The following ACSM1 variants were observed in gnomAD, a reference collection of about 807,000 sequenced individuals.
ACSM1 encodes acyl-coenzyme A synthetase ACSM1, mitochondrial.
A neutral mutation model predicts 75.8 loss-of-function variants in ACSM1; 79 were observed. That is an observed-to-expected ratio of 1.04 (90% CI 0.87 to 1.26). ACSM1 has a LOEUF of 1.26. Among genes scored for constraint, ACSM1 ranks in the 50% most tolerant of loss-of-function variants. The probability of loss-of-function intolerance (pLI) is 0.00; values close to 1 mark genes in which losing one functional copy is unlikely to be tolerated. For synonymous variants in ACSM1, 279 were observed against 265.8 expected (o/e 1.05, Z -0.48); for missense variants, 676 against 720.1 (o/e 0.94, Z 0.70).
chr16:20,637,416 G>A lies in ACSM1; in HGVS notation c.1152C>T (p.Ile384=). The change falls in exon 9 of 14, where the codon ATC becomes ATT. Residue 384 remains isoleucine (I), a synonymous_variant. Transcript: ENST00000520010. ...LICATYWGMK[I]KPGFMGKATP... The stretch of plus-strand genomic sequence containing the variant: ...TGGCCTTCCCCATGAAACCCGGCTT[G>A]ATCTTCATTCCCCAGTAGGTGGCAC... 1 of 1,614,080 alleles carries A rather than the reference G, an allele frequency of 6.2e-7. No homozygotes were observed. Among genetic ancestry groups the A allele is most frequent in the Non-Finnish European group, 8.5e-7 (1 of 1,180,002 alleles).
At chr16:20,695,340 C>T (rs1266801332) in intron 1 of ACSM1, among the ~76,000 whole-genome samples, 1 of 152,150 alleles carries the variant, frequency 6.6e-6, no homozygotes, top group Non-Finnish European at 1.5e-5. Flanking sequence ...GCACGATATC[C>T]TGCAAAAAGC....
chr16:20,680,854 T>G (rs1283182631), intron 4 of ACSM1: 1 of 152,238 alleles, frequency 6.6e-6, no homozygotes, highest in African/African-American at 2.4e-5. Flanking sequence ...ATGGGCATAT[T>G]GGCAACTGCC....
In ACSM1 at chr16:20,640,477, T is replaced by C. The variant is rs768114625; in HGVS notation, c.1100A>G (p.Tyr367Cys). 4 of 1,614,136 alleles carry C rather than the reference T, an allele frequency of 2.5e-6. No homozygotes were observed. Among genetic ancestry groups the C allele is most frequent in the Admixed American group, 1.7e-5 (1 of 60,018 alleles). The change falls in exon 8 of 14, where the codon TAT becomes TGT. Residue 367 changes from tyrosine to cysteine, a missense_variant. By Grantham distance (194) the Tyr-to-Cys change is radical. Coordinates refer to ENST00000520010, the MANE Select transcript of ACSM1 (RefSeq NM_001318890.3). ...ACCACCTACCGTTTCCGACTGCCCATAGTTCTCGTAGAGCAGAAGGCCCGT... is the reference window on the plus strand; with the variant it reads ...ACCACCTACCGTTTCCGACTGCCCACAGTTCTCGTAGAGCAGAAGGCCCGT... The part of the protein sequence containing the change: ...RRTGLLLYEN[Y>C]GQSETGLICA...
chr16:20,667,662 G>A (rs2019645985), intron 6 of ACSM1, among the ~76,000 whole-genome samples: 1 of 152,156 alleles, frequency 6.6e-6, no homozygotes, highest in Non-Finnish European at 1.5e-5. Flanking sequence ...TATATCCAAA[G>A]GAAAATAAAT....
At position 20,669,111 on chromosome 16, in the gene ACSM1, G is replaced by A. The variant is rs540296123; in HGVS notation, c.912+716C>T. ...ACATAAAGAAAATGTTGGGGTGAAGGGACATAGACAGAAAGAATTCATGCA... is the reference window on the plus strand; with the variant it reads ...ACATAAAGAAAATGTTGGGGTGAAGAGACATAGACAGAAAGAATTCATGCA... On this transcript the variant is annotated intron_variant, in intron 6 of 13. Coordinates refer to ENST00000520010, the MANE Select transcript of ACSM1 (RefSeq NM_001318890.3). Among the ~76,000 whole-genome samples, 14 of 151,868 alleles carry A rather than the reference G, an allele frequency of 9.2e-5. No individual in the cohort carries two copies. In the South Asian group the frequency reaches 1.7e-3, roughly 18 times the overall value.
At chr16:20,665,053 G>A (rs905341267) in intron 6 of ACSM1, among the ~76,000 whole-genome samples, 7 of 152,004 alleles carry the variant, frequency 4.6e-5, no homozygotes, top group Middle Eastern at 3.4e-3. Flanking sequence ...TAGAAAGATC[G>A]CTAATTAAGA....
chr16:20,673,111 TTA>T (rs916211934), intron 4 of ACSM1, among the ~76,000 whole-genome samples: 4 of 147,138 alleles, frequency 2.7e-5, no homozygotes, highest in Admixed American at 6.9e-5. Context: ...AATTTGCATA[TTA>T]TATATATATT....
chr16:20,675,637 T>A (rs1443194203), intron 4 of ACSM1, among the ~76,000 whole-genome samples: 1 of 152,182 alleles, frequency 6.6e-6, no homozygotes, highest in Non-Finnish European at 1.5e-5. Flanking sequence ...GTTCAAAAGT[T>A]AAGGACATAC....
At chr16:20,642,476 A>G (rs1018202865) in intron 7 of ACSM1, among the ~76,000 whole-genome samples, 1 of 152,210 alleles carries the variant, frequency 6.6e-6, no homozygotes, top group African/African-American at 2.4e-5. Context: ...TGGTATACAA[A>G]ATTCTATTCA....
At chr16:20,640,633 T>C in intron 7 of ACSM1, 49 bp from the exon 8 acceptor site, 1 of 1,612,858 alleles carries the variant, frequency 6.2e-7, no homozygotes, top group African/African-American at 1.3e-5. Context: ...CCTGGCTCTG[T>C]GCATTCAGAG....
In ACSM1 at chr16:20,669,441, AACACACACACACACAC is replaced by A. The variant is rs71149170; in HGVS notation, c.912+370_912+385del. Among the ~76,000 whole-genome samples, 287 of 141,362 alleles carry A rather than the reference AACACACACACACACAC, an allele frequency of 2.0e-3. 3 individuals carry two copies. The highest frequency in any genetic ancestry group is 2.0e-3 in the Non-Finnish European group (128 of 64,832). 92.7% of individuals were successfully genotyped at this position (141,362 alleles called of 152,430 possible). ...AACATTTTATCATATTGAGTAAGAA[AACACACACACACACAC>A]ACACACACACACACACACACACACA... On this transcript the variant is annotated intron_variant, in intron 6 of 13. Coordinates refer to ENST00000520010, the MANE Select transcript of ACSM1 (RefSeq NM_001318890.3).
chr16:20,672,877 A>G (rs1261938403), intron 4 of ACSM1, among the ~76,000 whole-genome samples: 3 of 130,854 alleles, frequency 2.3e-5, no homozygotes, highest in African/African-American at 9.0e-5. Context: ...ATATAAATAT[A>G]AATATATATA....
chr16:20,695,930 T>C (rs1221399924), intron 1 of ACSM1, among the ~76,000 whole-genome samples: 1 of 152,238 alleles, frequency 6.6e-6, no homozygotes, highest in Non-Finnish European at 1.5e-5. Context: ...TGTAGTCATG[T>C]GCCACAATAT....
At chr16:20,647,572 G>A (rs915814426) in intron 7 of ACSM1, among the ~76,000 whole-genome samples, 1 of 152,120 alleles carries the variant, frequency 6.6e-6, no homozygotes, top group African/African-American at 2.4e-5. Flanking sequence ...TTGAATAAGG[G>A]CTAAGAAAAA....
At chr16:20,655,236 C>A (rs965751351) in intron 7 of ACSM1, among the ~76,000 whole-genome samples, 11 of 117,278 alleles carry the variant, frequency 9.4e-5, no homozygotes, top group African/African-American at 3.8e-4. Context: ...CATCACACAC[C>A]AGGGCCTGTT....
At chr16:20,680,322 C>T (rs1567305514) in intron 4 of ACSM1, 1 of 152,224 alleles carries the variant, frequency 6.6e-6, no homozygotes, top group Non-Finnish European at 1.5e-5. Flanking sequence ...ATGCATCCAA[C>T]CCCGCAATTC....
intron 7 of ACSM1, among the ~76,000 whole-genome samples, chr16:20,642,280 A>G (rs1314818843): frequency 6.6e-6 from 1 of 152,188 alleles, no homozygotes; most frequent in Non-Finnish European, 1.5e-5. Flanking sequence ...AGGAACAGGA[A>G]AGGGAGGAAA....
intron 13 of ACSM1, 78 bp from the exon 14 acceptor site, chr16:20,623,650 C>G: frequency 7.2e-7 from 1 of 1,392,518 alleles, no homozygotes; most frequent in Admixed American, 1.7e-5. Flanking sequence ...TCCTCCTCTG[C>G]CCCTCCACAG....
intron 6 of ACSM1, among the ~76,000 whole-genome samples, chr16:20,663,414 A>G (rs2019395901): frequency 6.6e-6 from 1 of 152,052 alleles, no homozygotes; most frequent in Admixed American, 6.5e-5. Context: ...GGGTCTTCAC[A>G]GCCTCCATAC....
Sources: gnomAD v4.1 joint callset for allele counts (sites outside exome capture counted in the v4.1 genomes callset) on GRCh38, gnomAD v4.1.1 for gene constraint, MANE v1.5 for transcripts, NCBI Gene and HGNC (gene_info 2026-07-23, HGNC 2026-07-21) for gene names.